Variants in TIMM21 observed in about 807,000 individuals in gnomAD.
TIMM21 encodes the protein translocase of inner mitochondrial membrane 21, also known as mitochondrial import inner membrane translocase subunit Tim21.
In TIMM21, 30 loss-of-function variants were observed where a neutral mutation model predicts 27.7. That is an observed-to-expected ratio of 1.08 (90% CI 0.81 to 1.47). TIMM21 has a LOEUF of 1.47. Among genes scored for constraint, TIMM21 ranks in the 40% most tolerant of loss-of-function variants. The pLI is 0.00. For synonymous variants in TIMM21, 121 were observed against 114.4 expected, an observed-to-expected ratio of 1.06 and a Z score of -0.37; for missense variants, 292 against 302.9, an observed-to-expected ratio of 0.96 and a Z score of 0.27.
intron 1 of TIMM21, among the ~76,000 whole-genome samples, chr18:74,149,615 C>T (rs1001729239): frequency 6.6e-6 from 1 of 151,934 alleles, no homozygotes; most frequent in African/African-American, 2.4e-5. Context: ...CAATTTAGAC[C>T]GCCATGATTA....
Position 74,159,477 on chromosome 18 carries a change from C to T in TIMM21, c.*997C>T, listed in dbSNP as rs976030525. 6.6e-6 allele frequency: 1 copy of T among 151,660 alleles called. No individual in the cohort carries two copies. The allele number at this position is 151,660 out of a possible 1,614,324, so 9.4% of individuals were successfully genotyped here. On this transcript the variant is annotated 3_prime_UTR_variant, in exon 6 of 6. Coordinates refer to ENST00000169551, the MANE Select transcript of TIMM21 (RefSeq NM_014177.3). ...CTCTGATGTGTTTGTTCCTTCTCCC[C>T]GAGAACTGTCTGTAGAGGAATTTCT...
intron 1 of TIMM21, among the ~76,000 whole-genome samples, chr18:74,154,269 CTTT>C (rs796141852): frequency 6.8e-6 from 1 of 147,402 alleles, no homozygotes; most frequent in Admixed American, 6.8e-5. Flanking sequence ...CTGACACTGT[CTTT>C]TTTTTTTTGG....
chr18:74,152,793 T>C lies in TIMM21; in HGVS notation c.302-2352T>C, dbSNP rs111665930. On this transcript the variant is annotated intron_variant, in intron 1 of 5. Transcript: ENST00000169551. This position sits in a 1 kb window ranked among gnomAD's most constrained non-coding sequence, Gnocchi z 4.1. ...TCAGGGAGTGCTCTCAGAATACGTC[T>C]TGAGGGATGAGGGAAGCAGGACTGG... is the stretch of plus-strand genomic sequence containing the variant. 0.018 allele frequency among the ~76,000 whole-genome samples: 2,763 copies of C among 152,228 alleles called. 86 individuals carry two copies. Among genetic ancestry groups the C allele is most frequent in the African/African-American group, 0.06 (2,499 of 41,530 alleles).
At chr18:74,156,264 A>G in intron 3 of TIMM21, 1 of 398,654 alleles carries the variant, frequency 2.5e-6, no homozygotes, top group Non-Finnish European at 4.4e-6. Flanking sequence ...ACCAAGGAGT[A>G]ATGTCATAGC....
intron 1 of TIMM21, among the ~76,000 whole-genome samples, chr18:74,151,944 C>CCCCCA (rs1555682316): frequency 1.6e-4 from 23 of 144,688 alleles, no homozygotes; most frequent in East Asian, 1.2e-3. Flanking sequence ...TGTTCCCCCC[C>CCCCCA]CCCCCGGGGG....
In TIMM21 at chr18:74,159,066, C is replaced by CA. The variant is rs1980035490; in HGVS notation, c.*587dup. On this transcript the variant is annotated 3_prime_UTR_variant, in exon 6 of 6. Coordinates refer to ENST00000169551, the MANE Select transcript of TIMM21 (RefSeq NM_014177.3). ...CCCAAGTTGGGTAGACCTGGGCACC[C>CA]ACCCCACCTTTTCTAGCAGGTGCGT... 1 of 154,120 alleles carries CA rather than the reference C, an allele frequency of 6.5e-6. No individual in the cohort carries two copies. Among genetic ancestry groups the CA allele is most frequent in the East Asian group, 1.9e-4 (1 of 5,230 alleles). The allele number at this position is 154,120 out of a possible 1,614,324, so 9.5% of individuals were successfully genotyped here. A position where few individuals can be genotyped will look rare whatever the true frequency, so the allele number is the denominator to read the frequency against.
At chr18:74,157,965 A>G in intron 3 of TIMM21, 49 bp from the exon 4 acceptor site, 1 of 1,585,284 alleles carries the variant, frequency 6.3e-7, no homozygotes, top group Non-Finnish European at 8.6e-7. Flanking sequence ...TTATTTCTTT[A>G]GAAGCTTAAA....
In TIMM21 at chr18:74,148,845, G is replaced by C. The variant is rs1290010093; in HGVS notation, c.37G>C (p.Glu13Gln). The change falls in exon 1 of 6, where the codon GAG becomes CAG. Residue 13 changes from glutamate (E) to glutamine (Q), a missense_variant. Glu to Gln is a conservative substitution (Grantham distance 29). Transcript: ENST00000169551. ...CTFLRAVQYT[E>Q]KLHRSSAKRL... Reference sequence around the variant, plus strand: ...TTTTCTACGAGCCGTACAGTATACGGAGAAGCTGCACAGGTCCTCGGCAAA... The same window carrying C: ...TTTTCTACGAGCCGTACAGTATACGCAGAAGCTGCACAGGTCCTCGGCAAA... 6.2e-7 allele frequency: 1 copy of C among 1,613,762 alleles called. No individual in the cohort carries two copies. The highest frequency in any genetic ancestry group is 8.5e-7 in the Non-Finnish European group (1 of 1,179,796).
At chr18:74,154,190 TTGTATA>T (rs971347946) in intron 1 of TIMM21, among the ~76,000 whole-genome samples, 4 of 152,224 alleles carry the variant, frequency 2.6e-5, no homozygotes, top group Non-Finnish European at 5.9e-5. Flanking sequence ...ATAAGCGTAC[TTGTATA>T]TGTATTTCTG....
rs1314930339 is a variant in TIMM21 at position 74,148,789 on chromosome 18, C to A, written c.-20C>A. On this transcript the variant is annotated 5_prime_UTR_variant, in exon 1 of 6. Coordinates refer to ENST00000169551, the MANE Select transcript of TIMM21 (RefSeq NM_014177.3). ...AATTGTAGTTAGCATCGTCCCTAAGCGGAACGATTTTCCGTGAACATGATT... is the reference window on the plus strand; with the variant it reads ...AATTGTAGTTAGCATCGTCCCTAAGAGGAACGATTTTCCGTGAACATGATT... The A allele has an allele frequency of 6.3e-7, 1 of 1,597,834 alleles. No individual in the cohort carries two copies. The highest frequency in any genetic ancestry group is 1.3e-5 in the African/African-American group (1 of 74,444).
intron 1 of TIMM21, among the ~76,000 whole-genome samples, chr18:74,153,474 A>T (rs995050683): frequency 2.6e-5 from 4 of 152,222 alleles, no homozygotes; most frequent in Admixed American, 2.0e-4. Context: ...TGTATTCTCA[A>T]CCTGGGAGTT....
intron 1 of TIMM21, among the ~76,000 whole-genome samples, chr18:74,149,443 G>A (rs957988259): frequency 6.6e-6 from 1 of 152,158 alleles, no homozygotes; most frequent in African/African-American, 2.4e-5. Context: ...ATAACTGGTA[G>A]GGAAAACTTT....
intron 1 of TIMM21, among the ~76,000 whole-genome samples, chr18:74,153,368 G>C (rs1979863082): frequency 6.6e-6 from 1 of 152,242 alleles, no homozygotes; most frequent in Non-Finnish European, 1.5e-5. Context: ...TGAATTGTTG[G>C]AAGGGACAGT....
Position 74,158,761 on chromosome 18 carries a change from C to A in TIMM21, c.*281C>A. 1 of 308,808 alleles carries A rather than the reference C, an allele frequency of 3.2e-6. No homozygotes were observed. The highest frequency in any genetic ancestry group is 6.0e-6 in the Non-Finnish European group (1 of 166,380). 19.1% of individuals were successfully genotyped at this position (308,808 alleles called of 1,614,324 possible). On this transcript the variant is annotated 3_prime_UTR_variant, in exon 6 of 6. Transcript: ENST00000169551. Reference sequence around the variant, plus strand: ...ATGTTTGTTATTGGAAATGTTACACCATGTAAATAAAGGAAATAGATTTTA... The same window carrying A: ...ATGTTTGTTATTGGAAATGTTACACAATGTAAATAAAGGAAATAGATTTTA...
At position 74,148,925 on chromosome 18, in the gene TIMM21, C is replaced by T. The variant is rs528610432; in HGVS notation, c.117C>T (p.Pro39=). ...VLNKACLKTE[P]SLRCGLQYQK... is the part of the protein sequence containing the mutation. ...ACAAAGCGTGCTTGAAGACTGAGCC[C>T]AGTTTGAGATGTGGGCTTCAATATC... is the stretch of plus-strand genomic sequence containing the variant. The change falls in exon 1 of 6, where the codon CCC becomes CCT. Residue 39 remains proline, a synonymous_variant. Transcript: ENST00000169551. 1.2e-6 allele frequency: 2 copies of T among 1,614,126 alleles called. No homozygotes were observed. The highest frequency in any genetic ancestry group is 1.7e-5 in the Admixed American group (1 of 60,014).
intron 1 of TIMM21, among the ~76,000 whole-genome samples, chr18:74,151,938 C>CCCCCG (rs1555682297): frequency 4.5e-5 from 3 of 67,308 alleles, no homozygotes; most frequent in Admixed American, 1.9e-4. Context: ...TGTCTATGTT[C>CCCCCG]CCCCCCCCCC....
intron 4 of TIMM21, 29 bp downstream of exon 4, chr18:74,158,116 C>T: frequency 6.2e-7 from 1 of 1,613,994 alleles, no homozygotes; most frequent in Non-Finnish European, 8.5e-7. Flanking sequence ...AGAGGAGGCT[C>T]TGGGGAGATT....
chr18:74,155,456 T>A, intron 3 of TIMM21, 53 bp downstream of exon 3: 1 of 1,461,396 alleles, frequency 6.8e-7, no homozygotes, highest in Non-Finnish European at 9.4e-7. Context: ...AGAAAATGTC[T>A]GGGAGGAGGA....
chr18:74,155,422 G>C lies in TIMM21; in HGVS notation c.462+19G>C. The C allele has an allele frequency of 1.9e-6, 3 of 1,588,880 alleles. No homozygotes were observed. The highest frequency in any genetic ancestry group is 8.6e-7 in the Non-Finnish European group (1 of 1,166,124). On this transcript the variant is annotated intron_variant, in intron 3 of 5. Coordinates refer to ENST00000169551, the MANE Select transcript of TIMM21 (RefSeq NM_014177.3). ...TCCTGAGGTTAGTTCTCAAGATTGA[G>C]TTACATGAACTCTGATGAGGGGGAG...
Sources: allele counts gnomAD v4.1 joint callset (sites outside exome capture counted in the v4.1 genomes callset), GRCh38; gene constraint gnomAD v4.1.1; non-coding constraint Gnocchi (gnomAD v3.1); transcripts MANE v1.5; gene names NCBI Gene and HGNC (gene_info 2026-07-23, HGNC 2026-07-21).